Variants in THSD4 observed in about 807,000 individuals in gnomAD.
The protein encoded by THSD4 is thrombospondin type-1 domain-containing protein 4.
In THSD4, 69 loss-of-function variants were observed where a neutral mutation model predicts 119.0. The observed-to-expected ratio is 0.58, with a 90% CI of 0.48 to 0.71. The LOEUF (loss-of-function observed/expected upper bound fraction) is 0.71, where lower values mean the gene tolerates loss of function less well. Ranked by LOEUF, THSD4 falls within the 30% of genes least tolerant of loss-of-function variation. The pLI is 0.00. For synonymous variants in THSD4, 524 were observed against 540.4 expected (o/e 0.97, Z 0.42); for missense variants, 1,393 against 1,391.1 (o/e 1.00, Z -0.02).
At chr15:71,443,278 C>T (rs1595773110) in intron 7 of THSD4, among the ~76,000 whole-genome samples, 1 of 152,262 alleles carries the variant, frequency 6.6e-6, no homozygotes, top group African/African-American at 2.4e-5. Flanking sequence ...TTGGCCTAGG[C>T]TCTCCCCTTC....
At chr15:71,236,052 G>T (rs528183321) in intron 4 of THSD4, among the ~76,000 whole-genome samples, 1 of 152,156 alleles carries the variant, frequency 6.6e-6, no homozygotes, top group Non-Finnish European at 1.5e-5. Context: ...CTGGTTCCTC[G>T]AGGGCAGTCC....
intron 1 of THSD4, among the ~76,000 whole-genome samples, chr15:71,124,364 C>T (rs934823854): frequency 2.0e-5 from 3 of 152,134 alleles, no homozygotes; most frequent in Non-Finnish European, 4.4e-5. Flanking sequence ...TTTATTCAAT[C>T]ATTTGAAAAT....
At chr15:71,684,824 T>C (rs1219745253) in intron 8 of THSD4, among the ~76,000 whole-genome samples, 2 of 152,164 alleles carry the variant, frequency 1.3e-5, no homozygotes, top group African/African-American at 4.8e-5. Flanking sequence ...ATCTGTTCCT[T>C]CAGATTTTTA....
intron 1 of THSD4, among the ~76,000 whole-genome samples, chr15:71,136,165 G>A (rs1004585444): frequency 1.3e-5 from 2 of 151,622 alleles, no homozygotes; most frequent in Non-Finnish European, 2.9e-5. Flanking sequence ...CATGACTTAC[G>A]TCCCATCTCA....
chr15:71,656,526 G>A (rs1392132261), intron 7 of THSD4, among the ~76,000 whole-genome samples: 1 of 152,202 alleles, frequency 6.6e-6, no homozygotes, highest in Non-Finnish European at 1.5e-5. Context: ...AGAGGAGAAA[G>A]CCAGAGTCAC....
chr15:71,355,092 G>C (rs2045791338), intron 6 of THSD4, among the ~76,000 whole-genome samples: 1 of 152,208 alleles, frequency 6.6e-6, no homozygotes, highest in African/African-American at 2.4e-5. Context: ...CTGACCGTGA[G>C]TCAAGCCCTA....
chr15:71,250,391 G>A (rs2044247206), intron 5 of THSD4, among the ~76,000 whole-genome samples: 1 of 152,192 alleles, frequency 6.6e-6, no homozygotes, highest in Non-Finnish European at 1.5e-5. Context: ...AGGTTGGAGT[G>A]CAGCGGCATG....
At chr15:71,146,588 T>C (rs969682795) in intron 2 of THSD4, among the ~76,000 whole-genome samples, 4 of 152,174 alleles carry the variant, frequency 2.6e-5, no homozygotes, top group African/African-American at 9.7e-5. Context: ...TGAATACTTA[T>C]GTCACTACAA....
intron 6 of THSD4, among the ~76,000 whole-genome samples, chr15:71,374,453 G>A (rs2046103904): frequency 6.6e-6 from 1 of 152,162 alleles, no homozygotes; most frequent in Admixed American, 6.5e-5. Flanking sequence ...TGCTATATAT[G>A]AATAATTGGA....
chr15:71,361,385 G>T (rs2045890080), intron 6 of THSD4, among the ~76,000 whole-genome samples: 1 of 152,134 alleles, frequency 6.6e-6, no homozygotes, highest in Non-Finnish European at 1.5e-5. Context: ...GTTCTTAAAG[G>T]TGCAAATACA....
At chr15:71,479,457 T>C (rs1485671131) in intron 7 of THSD4, among the ~76,000 whole-genome samples, 3 of 152,156 alleles carry the variant, frequency 2.0e-5, no homozygotes, top group Admixed American at 6.5e-5. Context: ...TGGGGTTTTA[T>C]GGAAGGATCA....
intron 7 of THSD4, among the ~76,000 whole-genome samples, chr15:71,618,686 A>C (rs891235304): frequency 1.3e-5 from 2 of 150,536 alleles, no homozygotes; most frequent in South Asian, 2.1e-4. Flanking sequence ...TGATCCTCCA[A>C]CCGCAGCCTC....
intron 3 of THSD4, chr15:71,187,247 C>T (rs1442064257): frequency 2.0e-5 from 3 of 152,616 alleles, no homozygotes; most frequent in Non-Finnish European, 2.9e-5. Flanking sequence ...CTTTCTCCTC[C>T]GTTAAAGACT....
chr15:71,392,935 G>A (rs894747152), intron 6 of THSD4, among the ~76,000 whole-genome samples: 4 of 152,208 alleles, frequency 2.6e-5, no homozygotes, highest in Non-Finnish European at 4.4e-5. Flanking sequence ...GCCACGACAA[G>A]AACATCCTTC....
At chr15:71,501,456 A>G (rs552750721) in intron 7 of THSD4, among the ~76,000 whole-genome samples, 6 of 152,174 alleles carry the variant, frequency 3.9e-5, no homozygotes, top group Non-Finnish European at 5.9e-5. Flanking sequence ...TGTTCTGTTC[A>G]TTCTCAATCT....
intron 2 of THSD4, among the ~76,000 whole-genome samples, chr15:71,142,169 C>T (rs2040611012): frequency 6.6e-6 from 1 of 152,202 alleles, no homozygotes; most frequent in Admixed American, 6.5e-5. Flanking sequence ...TCTCTTGTCC[C>T]TTATGTACAA....
chr15:71,404,399 A>G (rs1407499557), intron 6 of THSD4, among the ~76,000 whole-genome samples: 6 of 152,226 alleles, frequency 3.9e-5, no homozygotes, highest in African/African-American at 1.4e-4. Flanking sequence ...AGATTTATCA[A>G]TGTTATAGCA....
At chr15:71,719,686 T>C (rs1422879876) in intron 8 of THSD4, among the ~76,000 whole-genome samples, 1 of 152,182 alleles carries the variant, frequency 6.6e-6, no homozygotes, top group Non-Finnish European at 1.5e-5. Flanking sequence ...TCAAAACATG[T>C]ATTTTTTGAG....
At chr15:71,550,223 G>A (rs1478935453) in intron 7 of THSD4, among the ~76,000 whole-genome samples, 1 of 152,208 alleles carries the variant, frequency 6.6e-6, no homozygotes, top group African/African-American at 2.4e-5. Context: ...CCAACGTGCA[G>A]CTTCTTTGCA....
Sources: gnomAD v4.1 joint callset for allele counts (sites outside exome capture counted in the v4.1 genomes callset) on GRCh38, gnomAD v4.1.1 for gene constraint, MANE v1.5 for transcripts, NCBI Gene and HGNC (gene_info 2026-07-23, HGNC 2026-07-21) for gene names.